Variants in THAP10 observed in about 807,000 individuals in gnomAD.
THAP10 encodes the protein THAP domain containing 10.
Under a neutral mutation model 15.7 loss-of-function variants are expected in THAP10, and 10 were observed. That is an observed-to-expected ratio of 0.64 (90% CI 0.39 to 1.08). The LOEUF (loss-of-function observed/expected upper bound fraction) is 1.08, where lower values mean the gene tolerates loss of function less well. Ranked by LOEUF, THAP10 falls within the 50% of genes least tolerant of loss-of-function variation. The pLI is 0.01. For synonymous variants in THAP10, 127 were observed against 129.1 expected, an observed-to-expected ratio of 0.98 and a Z score of 0.11; for missense variants, 310 against 330.9, an observed-to-expected ratio of 0.94 and a Z score of 0.49.
chr15:70,884,079 A>G (rs1175792589), intron 1 of THAP10, among the ~76,000 whole-genome samples: 3 of 152,208 alleles, frequency 2.0e-5, no homozygotes, highest in Non-Finnish European at 2.9e-5. Context: ...AAGAAAAGAT[A>G]TCTGGAAAAG....
Position 70,892,001 on chromosome 15 carries a change from C to G in THAP10, c.272G>C (p.Arg91Pro). 6.2e-7 allele frequency: 1 copy of G among 1,612,972 alleles called. No individual in the cohort carries two copies. The highest frequency in any genetic ancestry group is 1.1e-5 in the South Asian group (1 of 90,882). The change falls in exon 1 of 3, where the codon CGG becomes CCG. Residue 91 changes from arginine (R) to proline (P), a missense_variant. Coordinates refer to ENST00000249861, the MANE Select transcript of THAP10 (RefSeq NM_020147.4). ...LVAGAVPTLH[R>P]VPAPAPKRGE... Reference sequence around the variant, plus strand: ...CCTCTTAGGTGCCGGGGCGGGCACCCGGTGCAGGGTGGGCACGGCGCCTGC... The same window carrying G: ...CCTCTTAGGTGCCGGGGCGGGCACCGGGTGCAGGGTGGGCACGGCGCCTGC...
chr15:70,889,694 T>G (rs1174005297), intron 1 of THAP10, among the ~76,000 whole-genome samples: 1 of 152,194 alleles, frequency 6.6e-6, no homozygotes, highest in African/African-American at 2.4e-5. Context: ...CCTAAAGATA[T>G]GTAACACTCA....
chr15:70,884,652 T>C (rs2033357602), intron 1 of THAP10, among the ~76,000 whole-genome samples: 1 of 152,170 alleles, frequency 6.6e-6, no homozygotes, highest in Admixed American at 6.5e-5. Flanking sequence ...TCATGACCAA[T>C]TTTCACTAGC....
chr15:70,891,431 T>C lies in THAP10; in HGVS notation c.429+413A>G, dbSNP rs537835328. 7.7e-4 allele frequency among the ~76,000 whole-genome samples: 118 copies of C among 152,306 alleles called. 1 individual carries two copies. The highest frequency in any genetic ancestry group is 2.8e-3 in the African/African-American group (118 of 41,560). On this transcript the variant is annotated intron_variant, in intron 1 of 2. Coordinates refer to ENST00000249861, the MANE Select transcript of THAP10 (RefSeq NM_020147.4). ...CATTTGTGACACAAATAAGGGACTT[T>C]CCTCAAGCTTATGTAATGTTATGCA...
intron 1 of THAP10, among the ~76,000 whole-genome samples, chr15:70,887,596 C>A (rs1181309715): frequency 6.6e-6 from 1 of 151,722 alleles, no homozygotes; most frequent in Non-Finnish European, 1.5e-5. Flanking sequence ...GGGAACATTT[C>A]TTTTTATTAC....
rs768566603 is a variant in THAP10 at position 70,891,930 on chromosome 15, G to A, written c.343C>T (p.Leu115Phe). The change falls in exon 1 of 3, where the codon CTC becomes TTC. Residue 115 changes from leucine to phenylalanine, a missense_variant. By Grantham distance (22) the Leu-to-Phe change is conservative. Coordinates refer to ENST00000249861, the MANE Select transcript of THAP10 (RefSeq NM_020147.4). ...GCCTCAGAATGCCTGGCTGCCTGGA[G>A]CTCTCCTCGCGTGTCCAGGCGGCCT... The part of the protein sequence containing the change: ...QAGRLDTRGE[L>F]QAARHSEAAP... The A allele has an allele frequency of 3.1e-6, 5 of 1,613,828 alleles. No homozygotes were observed. In the Admixed American group the frequency reaches 6.7e-5, roughly 22 times the overall value.
rs200665629 is a variant in THAP10, at chr15:70,892,048, G to A, written c.225C>T (p.Phe75=). 5.6e-6 allele frequency: 9 copies of A among 1,613,626 alleles called. No individual in the cohort carries two copies. In the East Asian group the frequency reaches 2.0e-4, roughly 36 times the overall value. ...CTGCCACCAGCCTCAGGCGCTGGGA[G>A]AAGCGCAGGTTCTTCTGGATAACCG... is the stretch of plus-strand genomic sequence containing the variant. The part of the protein sequence containing the change: ...VSSVIQKNLR[F]SQRLRLVAGA... Residue 75 remains phenylalanine (F), a synonymous_variant, in exon 1 of 3, where the codon TTC becomes TTT. Coordinates refer to ENST00000249861, the MANE Select transcript of THAP10 (RefSeq NM_020147.4).
chr15:70,892,006 C>T lies in THAP10; in HGVS notation c.267G>A (p.Leu89=), dbSNP rs376022908. The change falls in exon 1 of 3, where the codon CTG becomes CTA. Residue 89 remains leucine, a synonymous_variant. Transcript: ENST00000249861. ...LRLVAGAVPT[L]HRVPAPAPKR... ...TAGGTGCCGGGGCGGGCACCCGGTG[C>T]AGGGTGGGCACGGCGCCTGCCACCA... The T allele has an allele frequency of 2.5e-6, 4 of 1,612,840 alleles. No individual in the cohort carries two copies. The highest frequency in any genetic ancestry group is 2.7e-5 in the African/African-American group (2 of 74,826).
rs762642405 is a variant in THAP10 at position 70,891,952 on chromosome 15, G to A, written c.321C>T (p.Gly107=). The A allele has an allele frequency of 4.3e-6, 7 of 1,613,622 alleles. No individual in the cohort carries two copies. The highest frequency in any genetic ancestry group is 2.2e-5 in the East Asian group (1 of 44,856). The part of the protein sequence containing the change: ...PKRGEEGDQA[G]RLDTRGELQA... Reference sequence around the variant, plus strand: ...GGAGCTCTCCTCGCGTGTCCAGGCGGCCTGCTTGGTCTCCCTCCTCTCCCC... The same window carrying A: ...GGAGCTCTCCTCGCGTGTCCAGGCGACCTGCTTGGTCTCCCTCCTCTCCCC... Residue 107 remains glycine, a synonymous_variant, in exon 1 of 3, where the codon GGC becomes GGT. Coordinates refer to ENST00000249861, the MANE Select transcript of THAP10 (RefSeq NM_020147.4).
Position 70,892,188 on chromosome 15 carries a change from C to CTGCTCTGGGCAA in THAP10, c.84_85insTTGCCCAGAGCA (p.Ala28_Val29insLeuProArgAla). ...ACGAAGCGGTCCCAGAGCAGCCGCA[C>CTGCTCTGGGCAA]GGCCCGGTCCTTGGGAAAGCGGAAC... On this transcript the variant is annotated inframe_insertion, in exon 1 of 3. Coordinates refer to ENST00000249861, the MANE Select transcript of THAP10 (RefSeq NM_020147.4). 30 of 1,608,962 alleles carry CTGCTCTGGGCAA rather than the reference C, an allele frequency of 1.9e-5. No individual in the cohort carries two copies. The highest frequency in any genetic ancestry group is 2.4e-5 in the Non-Finnish European group (28 of 1,177,692).
At chr15:70,884,898 A>T (rs1197183489) in intron 1 of THAP10, among the ~76,000 whole-genome samples, 1 of 152,158 alleles carries the variant, frequency 6.6e-6, no homozygotes, top group Non-Finnish European at 1.5e-5. Flanking sequence ...AAAACTTTAT[A>T]TTTTGATGTT....
At chr15:70,884,754 G>T (rs2033360774) in intron 1 of THAP10, among the ~76,000 whole-genome samples, 2 of 152,176 alleles carry the variant, frequency 1.3e-5, no homozygotes, top group Admixed American at 1.3e-4. Context: ...TAGAGTTTTA[G>T]AAATTTAATC....
Position 70,891,950 on chromosome 15 carries a change from C to G in THAP10, c.323G>C (p.Arg108Pro). Reference sequence around the variant, plus strand: ...CTGGAGCTCTCCTCGCGTGTCCAGGCGGCCTGCTTGGTCTCCCTCCTCTCC... The same window carrying G: ...CTGGAGCTCTCCTCGCGTGTCCAGGGGGCCTGCTTGGTCTCCCTCCTCTCC... ...KRGEEGDQAG[R>P]LDTRGELQAA... The change falls in exon 1 of 3, where the codon CGC becomes CCC. Residue 108 changes from arginine to proline, a missense_variant. Physicochemically the swap from Arg to Pro is moderately radical, Grantham distance 103. Transcript: ENST00000249861. 1.2e-6 allele frequency: 2 copies of G among 1,613,624 alleles called. No individual in the cohort carries two copies. The highest frequency in any genetic ancestry group is 8.5e-7 in the Non-Finnish European group (1 of 1,179,868).
At chr15:70,888,410 A>T (rs1420535338) in intron 1 of THAP10, among the ~76,000 whole-genome samples, 1 of 152,230 alleles carries the variant, frequency 6.6e-6, no homozygotes, top group Non-Finnish European at 1.5e-5. Flanking sequence ...TTGCAAGGCC[A>T]AGAAGAAATG....
Position 70,882,852 on chromosome 15 carries a change from A to G in THAP10, c.486T>C (p.Asn162=). 6.2e-7 allele frequency: 1 copy of G among 1,614,148 alleles called. No individual in the cohort carries two copies. The highest frequency in any genetic ancestry group is 8.5e-7 in the Non-Finnish European group (1 of 1,179,974). Residue 162 remains asparagine, a synonymous_variant, in exon 2 of 3, where the codon AAT becomes AAC. Coordinates refer to ENST00000249861, the MANE Select transcript of THAP10 (RefSeq NM_020147.4). ...AGTGAGTAGGTACTGAAGTGACAGT[A>G]TTAGATGGATTATCAGCATGGGGTT... ...QTQPHADNPS[N]TVTSVPTHCE...
intron 1 of THAP10, among the ~76,000 whole-genome samples, chr15:70,889,159 G>T (rs758790300): frequency 6.1e-4 from 93 of 152,178 alleles, no homozygotes; most frequent in Middle Eastern, 3.2e-3. Context: ...TATCACTTAT[G>T]ATAGCCCCAA....
intron 1 of THAP10, among the ~76,000 whole-genome samples, chr15:70,890,291 T>G (rs1375554722): frequency 6.6e-6 from 1 of 152,136 alleles, no homozygotes; most frequent in African/African-American, 2.4e-5. Flanking sequence ...TGGGCAAAGT[T>G]TGTATAGGTG....
At chr15:70,884,854 C>A (rs1180671375) in intron 1 of THAP10, among the ~76,000 whole-genome samples, 6 of 152,028 alleles carry the variant, frequency 3.9e-5, no homozygotes, top group Non-Finnish European at 5.9e-5. Flanking sequence ...CAAAAAGAAG[C>A]TAAAAATTAG....
intron 1 of THAP10, among the ~76,000 whole-genome samples, chr15:70,884,686 T>C (rs2033358440): frequency 1.3e-5 from 2 of 152,194 alleles, no homozygotes; most frequent in South Asian, 4.1e-4. Context: ...AAGCCAAGCA[T>C]TGTCAAAGTC....
Sources: allele counts gnomAD v4.1 joint callset (sites outside exome capture counted in the v4.1 genomes callset), GRCh38; gene constraint gnomAD v4.1.1; transcripts MANE v1.5; gene names NCBI Gene and HGNC (gene_info 2026-07-23, HGNC 2026-07-21).